RELN: variants seen among roughly 807,000 people sequenced by gnomAD.
RELN encodes reelin.
RELN carries 108 observed loss-of-function variants against 427.6 expected under a neutral mutation model. The observed-to-expected ratio is 0.25, with a 90% CI of 0.22 to 0.30. RELN has a LOEUF of 0.30. RELN is among the 10% of genes least tolerant of loss of function. RELN has a pLI of 1.00. For missense variants in RELN, 3,715 were observed against 4,302.8 expected, an observed-to-expected ratio of 0.86 and a Z score of 3.82; for synonymous variants, 1,524 against 1,513.4, an observed-to-expected ratio of 1.01 and a Z score of -0.16.
intron 42 of RELN, among the ~76,000 whole-genome samples, chr7:103,544,517 A>G (rs960524110): frequency 3.9e-5 from 6 of 152,088 alleles, no homozygotes; most frequent in Non-Finnish European, 8.8e-5. Context: ...GAGCCACTGC[A>G]CCAGGCCGAA....
At position 103,614,021 on chromosome 7, in the gene RELN, G is replaced by A. The variant is rs1584345527; in HGVS notation, c.2703-2218C>T. Among the ~76,000 whole-genome samples, 3 of 152,220 alleles carry A rather than the reference G, an allele frequency of 2.0e-5. No homozygotes were observed. The East Asian group carries it at 5.8e-4, about 29-fold the overall frequency. On this transcript the variant is annotated intron_variant, in intron 20 of 64. Coordinates refer to ENST00000428762, the MANE Select transcript of RELN (RefSeq NM_005045.4). ...AAATGTAACTACGAAATTGGCTGAA[G>A]AGAGGAAGTATTCAATGCTGAGGAG...
chr7:103,707,347 C>T (rs935912868), intron 8 of RELN, among the ~76,000 whole-genome samples: 1 of 151,880 alleles, frequency 6.6e-6, no homozygotes, highest in Admixed American at 6.6e-5. Context: ...AGTTGCATTC[C>T]AAGAAAAGTA....
intron 2 of RELN, among the ~76,000 whole-genome samples, chr7:103,834,274 T>C (rs191503163): frequency 3.3e-5 from 5 of 152,308 alleles, no homozygotes; most frequent in African/African-American, 1.2e-4. Context: ...AGGCTAAATC[T>C]GTGATTGGCA....
intron 7 of RELN, among the ~76,000 whole-genome samples, chr7:103,724,327 C>A (rs1023887893): frequency 2.0e-5 from 3 of 152,140 alleles, no homozygotes; most frequent in Non-Finnish European, 1.5e-5. Flanking sequence ...AAGTGCTATA[C>A]AATTCATGAA....
At chr7:103,614,228 T>A (rs999257599) in intron 20 of RELN, among the ~76,000 whole-genome samples, 5 of 152,212 alleles carry the variant, frequency 3.3e-5, no homozygotes, top group African/African-American at 1.2e-4. Context: ...ACTGGTAGAA[T>A]AGGAATCTAG....
chr7:103,899,208 C>T (rs976744720), intron 2 of RELN, among the ~76,000 whole-genome samples: 32 of 152,040 alleles, frequency 2.1e-4, no homozygotes, highest in African/African-American at 7.5e-4. Flanking sequence ...TTGATAAATT[C>T]CTGGACACAA....
At chr7:103,772,707 T>C (rs965588152) in intron 4 of RELN, among the ~76,000 whole-genome samples, 7 of 151,832 alleles carry the variant, frequency 4.6e-5, no homozygotes, top group African/African-American at 1.7e-4. Flanking sequence ...ACTTGGAGAG[T>C]ATAGGGTGCA....
chr7:103,736,190 TA>T (rs1790487602), intron 6 of RELN, among the ~76,000 whole-genome samples: 1 of 152,178 alleles, frequency 6.6e-6, no homozygotes, highest in Non-Finnish European at 1.5e-5. Context: ...GAACTCTTTG[TA>T]CCTTCCATTC....
At chr7:103,937,470 A>T (rs1400598287) in intron 1 of RELN, among the ~76,000 whole-genome samples, 2 of 152,210 alleles carry the variant, frequency 1.3e-5, no homozygotes, top group Admixed American at 6.5e-5. Context: ...TATGGATATT[A>T]TTGGCCCTGG....
chr7:103,477,813 A>G (rs562146038), intron 64 of RELN, among the ~76,000 whole-genome samples: 2 of 152,332 alleles, frequency 1.3e-5, no homozygotes, highest in South Asian at 4.1e-4. Flanking sequence ...AAATACAAGA[A>G]TATATTAAAA....
Position 103,857,454 on chromosome 7 carries a change from CA to C in RELN, c.338-23783del, listed in dbSNP as rs1793973216. The stretch of plus-strand genomic sequence containing the variant: ...TGTGTTTTCTTCTCCATCCAACATG[CA>C]GGGGTGTAATACAACCTCACCTGGG... On this transcript the variant is annotated intron_variant, in intron 2 of 64. Coordinates refer to ENST00000428762, the MANE Select transcript of RELN (RefSeq NM_005045.4). Among the ~76,000 whole-genome samples the C allele has an allele frequency of 4.6e-5, 7 of 152,210 alleles. No homozygotes were observed. In the South Asian group the frequency reaches 1.5e-3, roughly 32 times the overall value.
At chr7:103,605,350 C>T (rs1025088661) in intron 22 of RELN, among the ~76,000 whole-genome samples, 3 of 152,158 alleles carry the variant, frequency 2.0e-5, no homozygotes, top group Non-Finnish European at 4.4e-5. Context: ...TTCTGAAACA[C>T]TAACTTGCCT....
chr7:103,781,029 C>T (rs999061219), intron 3 of RELN, among the ~76,000 whole-genome samples: 4 of 152,136 alleles, frequency 2.6e-5, no homozygotes, highest in Non-Finnish European at 4.4e-5. Flanking sequence ...CTTTCCAAAC[C>T]CTTAGAACCC....
At chr7:103,869,598 C>T (rs908826586) in intron 2 of RELN, among the ~76,000 whole-genome samples, 2 of 152,014 alleles carry the variant, frequency 1.3e-5, no homozygotes, top group Non-Finnish European at 2.9e-5. Context: ...AGTGTCCTGG[C>T]TTCCATTGTT....
intron 2 of RELN, among the ~76,000 whole-genome samples, chr7:103,841,587 A>C (rs1329992178): frequency 6.6e-6 from 1 of 152,052 alleles, no homozygotes; most frequent in Non-Finnish European, 1.5e-5. Flanking sequence ...CAGTTATTTT[A>C]AGTTTGTGAC....
intron 1 of RELN, among the ~76,000 whole-genome samples, chr7:103,974,154 GAATA>G (rs112419776): frequency 1.3e-5 from 2 of 151,770 alleles, no homozygotes; most frequent in East Asian, 3.9e-4. Context: ...AAAAGTAAAT[GAATA>G]AATAAATAAA....
intron 38 of RELN, 99 bp downstream of exon 38, chr7:103,556,878 A>G: frequency 1.0e-6 from 1 of 966,392 alleles, no homozygotes; most frequent in Non-Finnish European, 1.7e-6. Context: ...GTGGACAGCT[A>G]AGCTGCTCAG....
intron 2 of RELN, among the ~76,000 whole-genome samples, chr7:103,884,936 T>C (rs1001659064): frequency 6.6e-6 from 1 of 152,300 alleles, no homozygotes; most frequent in Middle Eastern, 3.4e-3. Flanking sequence ...ACTCGGTATA[T>C]ACCCAAAGGA....
At chr7:103,896,240 G>T (rs1006735243) in intron 2 of RELN, among the ~76,000 whole-genome samples, 5 of 151,974 alleles carry the variant, frequency 3.3e-5, no homozygotes, top group Non-Finnish European at 7.4e-5. Flanking sequence ...GTGTTAAAAG[G>T]TACACCATTT....
Sources: allele counts gnomAD v4.1 joint callset (sites outside exome capture counted in the v4.1 genomes callset), GRCh38; gene constraint gnomAD v4.1.1; transcripts MANE v1.5; gene names NCBI Gene and HGNC (gene_info 2026-07-23, HGNC 2026-07-21).